The following INSR variants were observed in gnomAD, a reference collection of about 807,000 sequenced individuals.
INSR encodes the protein IR.
A neutral mutation model predicts 142.6 loss-of-function variants in INSR; 67 were observed. The observed-to-expected ratio is 0.47, with a 90% CI of 0.39 to 0.58. The LOEUF (loss-of-function observed/expected upper bound fraction) is 0.58, where lower values mean the gene tolerates loss of function less well. INSR is among the 20% of genes least tolerant of loss of function. The pLI, the probability that INSR is intolerant of heterozygous loss-of-function variation, is 0.00. For missense variants in INSR, 1,248 were observed against 1,833.2 expected, an observed-to-expected ratio of 0.68 and a Z score of 5.83; for synonymous variants, 756 against 743.1, an observed-to-expected ratio of 1.02 and a Z score of -0.28.
At chr19:7,131,426 A>T (rs1972778306) in intron 14 of INSR, among the ~76,000 whole-genome samples, 1 of 151,460 alleles carries the variant, frequency 6.6e-6, no homozygotes, top group Admixed American at 6.6e-5. Context: ...GTTCACTGCA[A>T]GCTCTGCTTC....
chr19:7,231,767 TTCTG>T (rs1232605098), intron 2 of INSR, among the ~76,000 whole-genome samples: 1 of 130,230 alleles, frequency 7.7e-6, no homozygotes, highest in Non-Finnish European at 1.6e-5. Context: ...CCTTAAACTT[TTCTG>T]TCTCTTTTTT....
intron 5 of INSR, among the ~76,000 whole-genome samples, chr19:7,172,057 A>G (rs1974026943): frequency 1.3e-5 from 2 of 151,756 alleles, no homozygotes; most frequent in African/African-American, 4.8e-5. Flanking sequence ...GATTACAGGC[A>G]TGCACTATCA....
chr19:7,255,578 TTTTGTTTG>T (rs1280379309), intron 2 of INSR, among the ~76,000 whole-genome samples: 2 of 149,808 alleles, frequency 1.3e-5, no homozygotes, highest in Non-Finnish European at 3.0e-5. Flanking sequence ...TTCCTTCTGT[TTTTGTTTG>T]TTTGTTTTTG....
chr19:7,172,303 T>G lies in INSR; in HGVS notation c.1255A>C (p.Thr419Pro). The change falls in exon 5 of 22, where the codon ACC (threonine) becomes CCC (proline). Residue 419 changes from threonine to proline, a missense_variant. Coordinates refer to ENST00000302850, the MANE Select transcript of INSR (RefSeq NM_000208.4). ...AGGCCCACGTACCCAATTTCCAAGG[T>G]CTCTCCTCGAATCAGACGTAACTTC... ...FRKLRLIRGETLEIGNYSFYA... is the reference protein window; with the variant it reads ...FRKLRLIRGEPLEIGNYSFYA... The G allele has an allele frequency of 1.2e-6, 2 of 1,614,034 alleles. No homozygotes were observed. Among genetic ancestry groups the G allele is most frequent in the Non-Finnish European group, 1.7e-6 (2 of 1,180,008 alleles).
At chr19:7,236,150 C>T (rs1490519496) in intron 2 of INSR, among the ~76,000 whole-genome samples, 2 of 132,282 alleles carry the variant, frequency 1.5e-5, no homozygotes, top group Admixed American at 7.4e-5. Context: ...TGAGTAGAGA[C>T]GGGGTTTCAC....
chr19:7,267,771 G>C lies in INSR; in HGVS notation c.226C>G (p.Leu76Val), dbSNP rs560460825. 35 of 1,614,180 alleles carry C rather than the reference G, an allele frequency of 2.2e-5. No homozygotes were observed. The South Asian group carries it at 3.4e-4, about 16-fold the overall frequency. ...FKTRPEDFRD[L>V]SFPKLIMITD... ...ATCATGATGAGTTTGGGGAAACTGA[G>C]GTCTCGGAAATCTTCGGGCCTCGTT... The change falls in exon 2 of 22, where the codon CTC becomes GTC. Residue 76 changes from leucine (L) to valine (V), a missense_variant. Physicochemically the swap from Leu to Val is conservative, Grantham distance 32 (BLOSUM62 1). Transcript: ENST00000302850. This position sits in a 1 kb window ranked among gnomAD's most constrained non-coding sequence, Gnocchi z 6.3.
chr19:7,280,478 G>A (rs1000803814), intron 1 of INSR, among the ~76,000 whole-genome samples: 15 of 152,084 alleles, frequency 9.9e-5, no homozygotes, highest in African/African-American at 3.6e-4. Context: ...AGCACTTTGG[G>A]CAGCCGAGGC....
In INSR at chr19:7,168,855, C is replaced by T. The variant is rs989265042; in HGVS notation, c.1484-761G>A. Among the ~76,000 whole-genome samples the T allele has an allele frequency of 1.3e-5, 2 of 152,102 alleles. No homozygotes were observed. Among genetic ancestry groups the T allele is most frequent in the African/African-American group, 2.4e-5 (1 of 41,428 alleles). ...CTGACCTCAAGTGATCTGCCTGCCT[C>T]GGCCTCCCAGAGTGCTGGGATTCCA... On this transcript the variant is annotated intron_variant, in intron 6 of 21. Transcript: ENST00000302850. The surrounding 1 kb of genome is among the most constrained non-coding windows in gnomAD (Gnocchi z 4.3).
intron 1 of INSR, among the ~76,000 whole-genome samples, chr19:7,276,443 A>G (rs1185829015): frequency 2.9e-5 from 4 of 136,302 alleles, no homozygotes; most frequent in Non-Finnish European, 6.6e-5. Context: ...AAGCCCGGCC[A>G]GTAACAGCAT....
intron 2 of INSR, among the ~76,000 whole-genome samples, chr19:7,188,341 T>C (rs1974483633): frequency 6.6e-6 from 1 of 150,946 alleles, no homozygotes; most frequent in Admixed American, 6.6e-5. Flanking sequence ...AGGTCAGGAG[T>C]TCAAGACCAG....
Position 7,168,497 on chromosome 19 carries a change from T to G in INSR, c.1484-403A>C, listed in dbSNP as rs1186298676. On this transcript the variant is annotated intron_variant, in intron 6 of 21. Transcript: ENST00000302850. The surrounding 1 kb of genome is among the most constrained non-coding windows in gnomAD (Gnocchi z 4.3). ...GAAGGAGGTGCAACTCCAGTGCAAA[T>G]AAACCTATGCCAAGTGAGTTTAGAG... Among the ~76,000 whole-genome samples the G allele has an allele frequency of 6.6e-6, 1 of 152,150 alleles. No homozygotes were observed. The highest frequency in any genetic ancestry group is 1.5e-5 in the Non-Finnish European group (1 of 68,034).
At chr19:7,169,576 C>CAAAAAAAAAAAAAA (rs74174872) in intron 6 of INSR, among the ~76,000 whole-genome samples, 1 of 94,806 alleles carries the variant, frequency 1.1e-5, no homozygotes, top group African/African-American at 3.6e-5. Flanking sequence ...GACTCTGTCC[C>CAAAAAAAAAAAAAA]AAAAAAAAAA....
At position 7,147,244 on chromosome 19, in the gene INSR, G is replaced by A. The variant is rs145985346; in HGVS notation, c.2267+3253C>T. On this transcript the variant is annotated intron_variant, in intron 11 of 21. Transcript: ENST00000302850. ...GGCTGGAGGGCAGTGGCGTGATCTC[G>A]GCTCACTGCAACCTCCACCTCCCAG... Among the ~76,000 whole-genome samples, 157 of 151,536 alleles carry A rather than the reference G, an allele frequency of 1.0e-3. 1 individual carries two copies. The highest frequency in any genetic ancestry group is 3.6e-3 in the African/African-American group (150 of 41,270).
chr19:7,186,623 C>G (rs1215056162), intron 2 of INSR, among the ~76,000 whole-genome samples: 1 of 152,180 alleles, frequency 6.6e-6, no homozygotes, highest in African/African-American at 2.4e-5. Flanking sequence ...CAAACTGAAA[C>G]TCTGCCCCCA....
chr19:7,139,919 G>A (rs905866643), intron 13 of INSR, among the ~76,000 whole-genome samples: 12 of 150,504 alleles, frequency 8.0e-5, no homozygotes, highest in African/African-American at 2.9e-4. Context: ...TGCGTCCCGG[G>A]TTCAAGCAAT....
intron 10 of INSR, chr19:7,152,378 CAAAA>C (rs375635473): frequency 0.051 from 14,243 of 278,592 alleles, no homozygotes; most frequent in South Asian, 0.089. Context: ...GAGACTCTGT[CAAAA>C]AAAAAAAAAA....
intron 2 of INSR, among the ~76,000 whole-genome samples, chr19:7,193,110 CTTTT>C (rs1310186241): frequency 7.1e-6 from 1 of 141,490 alleles, no homozygotes; most frequent in Non-Finnish European, 1.6e-5. Flanking sequence ...TGCAGTATTT[CTTTT>C]TTTTCTTTTT....
At chr19:7,207,946 G>GA (rs879609931) in intron 2 of INSR, among the ~76,000 whole-genome samples, 7,809 of 52,596 alleles carry the variant, frequency 0.15, 283 homozygotes, top group South Asian at 0.27. Context: ...GGAAGGGAAG[G>GA]AGGGAGGGAG....
Position 7,116,756 on chromosome 19 carries a change from C to A in INSR, c.*300G>T. 1 of 184,758 alleles carries A rather than the reference C, an allele frequency of 5.4e-6. No homozygotes were observed. Among genetic ancestry groups the A allele is most frequent in the Non-Finnish European group, 9.9e-6 (1 of 100,548 alleles). 11.4% of individuals were successfully genotyped at this position (184,758 alleles called of 1,614,324 possible). A position where few individuals can be genotyped will look rare whatever the true frequency, so the allele number is the denominator to read the frequency against. On this transcript the variant is annotated 3_prime_UTR_variant, in exon 22 of 22. Transcript: ENST00000302850. ...AAAACAGGTGCTTTCTTTCCATCTG[C>A]TGGGGGCGGGTGGGGGGAACGAAAA...
Sources: allele counts gnomAD v4.1 joint callset (sites outside exome capture counted in the v4.1 genomes callset), GRCh38; gene constraint gnomAD v4.1.1; non-coding constraint Gnocchi (gnomAD v3.1); transcripts MANE v1.5; gene names NCBI Gene and HGNC (gene_info 2026-07-23, HGNC 2026-07-21).